RNF175: variants seen among roughly 807,000 people sequenced by gnomAD.
RNF175 encodes ring finger protein 175.
Under a neutral mutation model 50.0 loss-of-function variants are expected in RNF175, and 38 were observed. That is an observed-to-expected ratio of 0.76 (90% CI 0.59 to 1.00). The LOEUF (loss-of-function observed/expected upper bound fraction) is 1.00. Among genes scored for constraint, RNF175 ranks in the 50% least tolerant of loss-of-function variants. The pLI is 0.00. For missense variants in RNF175, 388 were observed against 409.6 expected, an observed-to-expected ratio of 0.95 and a Z score of 0.46; for synonymous variants, 155 against 146.1, an observed-to-expected ratio of 1.06 and a Z score of -0.44.
Position 153,759,980 on chromosome 4 carries a change from G to T in RNF175, c.-118C>A. The T allele has an allele frequency of 5.3e-6, 3 of 562,040 alleles. No homozygotes were observed. The highest frequency in any genetic ancestry group is 8.2e-6 in the Non-Finnish European group (3 of 367,550). 34.8% of individuals were successfully genotyped at this position (562,040 alleles called of 1,614,324 possible). A position where few individuals can be genotyped will look rare whatever the true frequency, so the allele number is the denominator to read the frequency against. On this transcript the variant is annotated 5_prime_UTR_variant, in exon 1 of 9. Coordinates refer to ENST00000347063, the MANE Select transcript of RNF175 (RefSeq NM_173662.4). ...CGAGGGTGAGAGCCGGATCTGCGGCGGCGGCGGAGCGGCGGCCCTGCCCGG... is the reference window on the plus strand; with the variant it reads ...CGAGGGTGAGAGCCGGATCTGCGGCTGCGGCGGAGCGGCGGCCCTGCCCGG...
chr4:153,719,345 C>A (rs894114999), intron 6 of RNF175, among the ~76,000 whole-genome samples: 1 of 152,152 alleles, frequency 6.6e-6, no homozygotes, highest in Non-Finnish European at 1.5e-5. Flanking sequence ...TTTCTTTTTC[C>A]AGTCTATCAT....
chr4:153,754,705 G>C (rs1205630249), intron 1 of RNF175, among the ~76,000 whole-genome samples: 1 of 152,188 alleles, frequency 6.6e-6, no homozygotes, highest in Non-Finnish European at 1.5e-5. Context: ...CAAGAGAAAG[G>C]AGCGGAAGAT....
At chr4:153,738,086 G>A (rs544511787) in intron 3 of RNF175, among the ~76,000 whole-genome samples, 118 of 152,018 alleles carry the variant, frequency 7.8e-4, no homozygotes, top group African/African-American at 2.8e-3. Context: ...GTCTCACTCC[G>A]CTGCCCAGGC....
chr4:153,715,898 C>T, intron 6 of RNF175, among the ~76,000 whole-genome samples: 1 of 151,874 alleles, frequency 6.6e-6, no homozygotes, highest in East Asian at 1.9e-4. Flanking sequence ...CCTGTCTCTA[C>T]TAAAAATACA....
chr4:153,712,273 T>G (rs767083292), intron 8 of RNF175, among the ~76,000 whole-genome samples: 1 of 152,214 alleles, frequency 6.6e-6, no homozygotes, highest in Non-Finnish European at 1.5e-5. Context: ...TGGAATGTTT[T>G]CTGGCATTTA....
intron 4 of RNF175, among the ~76,000 whole-genome samples, chr4:153,727,062 G>A (rs1283527700): frequency 6.6e-6 from 1 of 152,170 alleles, no homozygotes; most frequent in Non-Finnish European, 1.5e-5. Flanking sequence ...GTGGATAGGC[G>A]AACCATTCTC....
chr4:153,734,228 G>A (rs1739209840), intron 3 of RNF175, among the ~76,000 whole-genome samples: 1 of 152,184 alleles, frequency 6.6e-6, no homozygotes, highest in African/African-American at 2.4e-5. Flanking sequence ...CCGGTAGAGT[G>A]ATTATATAGT....
chr4:153,730,004 C>T (rs1738940612), intron 3 of RNF175, among the ~76,000 whole-genome samples: 1 of 152,118 alleles, frequency 6.6e-6, no homozygotes, highest in Non-Finnish European at 1.5e-5. Context: ...GATAAATACA[C>T]ATACACAAAT....
chr4:153,735,243 C>A (rs1739293999), intron 3 of RNF175, among the ~76,000 whole-genome samples: 1 of 114,802 alleles, frequency 8.7e-6, no homozygotes, highest in African/African-American at 2.7e-5. Flanking sequence ...TTTTTTTTGG[C>A]ATGTGAAAAT....
At position 153,739,568 on chromosome 4, in the gene RNF175, T is replaced by A. The variant is rs10033379; in HGVS notation, c.246+9077A>T. Among the ~76,000 whole-genome samples the A allele has an allele frequency of 4.4e-3, 664 of 152,352 alleles. 8 individuals carry two copies. The highest frequency in any genetic ancestry group is 0.015 in the African/African-American group (638 of 41,582). On this transcript the variant is annotated intron_variant, in intron 3 of 8. Transcript: ENST00000347063. ...TGAAGAACTTTTAAAAAACACTTCT[T>A]ACAGGTCAGAACTACTGGTAATGAA...
At chr4:153,732,058 C>A (rs1323389122) in intron 3 of RNF175, among the ~76,000 whole-genome samples, 1 of 151,932 alleles carries the variant, frequency 6.6e-6, no homozygotes, top group Admixed American at 6.6e-5. Context: ...ATGGTGAAAC[C>A]CCATCTCTAC....
chr4:153,717,590 T>A lies in RNF175; in HGVS notation c.631-1928A>T, dbSNP rs144510461. ...GTAAATATTTCTATATCTATCCATGTATATCTATATTAAGCTAAACAATTA... is the reference window on the plus strand; with the variant it reads ...GTAAATATTTCTATATCTATCCATGAATATCTATATTAAGCTAAACAATTA... On this transcript the variant is annotated intron_variant, in intron 6 of 8. Coordinates refer to ENST00000347063, the MANE Select transcript of RNF175 (RefSeq NM_173662.4). Among the ~76,000 whole-genome samples, 787 of 152,234 alleles carry A rather than the reference T, an allele frequency of 5.2e-3. 5 individuals carry two copies. Among genetic ancestry groups the A allele is most frequent in the African/African-American group, 0.017 (707 of 41,526 alleles).
intron 4 of RNF175, among the ~76,000 whole-genome samples, chr4:153,727,065 C>G (rs1185779393): frequency 2.6e-5 from 4 of 152,150 alleles, no homozygotes; most frequent in Non-Finnish European, 5.9e-5. Flanking sequence ...GATAGGCGAA[C>G]CATTCTCATG....
intron 1 of RNF175, among the ~76,000 whole-genome samples, chr4:153,756,375 T>C (rs1442426312): frequency 6.6e-6 from 1 of 152,176 alleles, no homozygotes; most frequent in African/African-American, 2.4e-5. Context: ...AAAGTGAACA[T>C]ACTTGTTTCC....
intron 3 of RNF175, among the ~76,000 whole-genome samples, chr4:153,740,024 A>G (rs889907258): frequency 1.5e-4 from 22 of 151,198 alleles, no homozygotes; most frequent in Non-Finnish European, 2.5e-4. Context: ...ATCCTGTTCT[A>G]TTTTCTTTTC....
intron 4 of RNF175, chr4:153,727,595 A>G (rs1738773870): frequency 6.6e-6 from 1 of 152,226 alleles, no homozygotes. Context: ...CAGTTTTATC[A>G]TGATGAGGAT....
At chr4:153,715,930 G>C (rs997079971) in intron 6 of RNF175, among the ~76,000 whole-genome samples, 1 of 151,904 alleles carries the variant, frequency 6.6e-6, no homozygotes, top group Admixed American at 6.6e-5. Flanking sequence ...CAGGTGCGGT[G>C]GTGGGTGCCT....
intron 5 of RNF175, among the ~76,000 whole-genome samples, chr4:153,722,794 G>T (rs1246787232): frequency 1.3e-5 from 2 of 151,424 alleles, no homozygotes; most frequent in Non-Finnish European, 2.9e-5. Flanking sequence ...ACAAAAAACA[G>T]GTGAAATTAA....
chr4:153,746,976 AG>A (rs1232360565), intron 3 of RNF175, among the ~76,000 whole-genome samples: 1 of 152,216 alleles, frequency 6.6e-6, no homozygotes, highest in Non-Finnish European at 1.5e-5. Context: ...GAAGCAGCCA[AG>A]GAGAACGATG....
Sources: gnomAD v4.1 joint callset for allele counts (sites outside exome capture counted in the v4.1 genomes callset) on GRCh38, gnomAD v4.1.1 for gene constraint, MANE v1.5 for transcripts, NCBI Gene and HGNC (gene_info 2026-07-23, HGNC 2026-07-21) for gene names.